Variants in TOPAZ1 observed in about 807,000 individuals in gnomAD.
The protein encoded by TOPAZ1 is protein TOPAZ1.
Under a neutral mutation model 172.2 loss-of-function variants are expected in TOPAZ1, and 66 were observed. That is an observed-to-expected ratio of 0.38 (90% confidence interval 0.31 to 0.47). The LOEUF (loss-of-function observed/expected upper bound fraction) is 0.47, where lower values mean the gene tolerates loss of function less well. TOPAZ1 is among the 20% of genes least tolerant of loss of function. The pLI is 0.99. For synonymous variants in TOPAZ1, 681 were observed against 683.9 expected (o/e 1.00, Z 0.07); for missense variants, 1,822 against 1,972.4 (o/e 0.92, Z 1.44).
chr3:44,309,029 AG>A (rs1292815677), intron 15 of TOPAZ1, among the ~76,000 whole-genome samples: 1 of 151,996 alleles, frequency 6.6e-6, no homozygotes, highest in Non-Finnish European at 1.5e-5. Flanking sequence ...ACATTTTTAA[AG>A]AGTTATAAAT....
chr3:44,261,743 G>A (rs1239639597), intron 4 of TOPAZ1, among the ~76,000 whole-genome samples: 2 of 152,054 alleles, frequency 1.3e-5, no homozygotes, highest in Admixed American at 6.6e-5. Flanking sequence ...AATTACTCTG[G>A]GCAGTATGGC....
At chr3:44,281,562 A>G (rs1248977994) in intron 8 of TOPAZ1, among the ~76,000 whole-genome samples, 2 of 152,204 alleles carry the variant, frequency 1.3e-5, no homozygotes, top group African/African-American at 2.4e-5. Flanking sequence ...TGTTTATGAT[A>G]TAAGAAGAGA....
chr3:44,332,798 GTTTT>G (rs10708146), downstream of TOPAZ1, among the ~76,000 whole-genome samples: 6 of 148,420 alleles, frequency 4.0e-5, no homozygotes, highest in African/African-American at 1.2e-4. Flanking sequence ...GGGACTGAAA[GTTTT>G]TTTTTTTTTT....
intron 4 of TOPAZ1, among the ~76,000 whole-genome samples, chr3:44,261,911 G>A (rs936869628): frequency 7.2e-5 from 11 of 151,998 alleles, no homozygotes; most frequent in African/African-American, 2.7e-4. Context: ...TATTCTTTTA[G>A]TGGATGCCTG....
At chr3:44,262,388 T>C (rs1291361445) in intron 4 of TOPAZ1, 31 bp from the exon 5 acceptor site, 1 of 1,251,686 alleles carries the variant, frequency 8.0e-7, no homozygotes, top group Non-Finnish European at 1.1e-6. Context: ...AGACCTTCAC[T>C]TGTACTTATT....
chr3:44,332,379 G>A (rs1575222845), downstream of TOPAZ1, among the ~76,000 whole-genome samples: 1 of 152,126 alleles, frequency 6.6e-6, no homozygotes, highest in Admixed American at 6.6e-5. Flanking sequence ...AATAGGTTTA[G>A]TGTGTACTCA....
chr3:44,251,774 C>G (rs1360150126), intron 2 of TOPAZ1, among the ~76,000 whole-genome samples: 1 of 152,158 alleles, frequency 6.6e-6, no homozygotes. Flanking sequence ...CTCTCCTCTC[C>G]TTTTTACTTA....
chr3:44,334,869 T>C (rs1700706454), downstream of TOPAZ1, among the ~76,000 whole-genome samples: 1 of 152,300 alleles, frequency 6.6e-6, no homozygotes, highest in East Asian at 1.9e-4. Flanking sequence ...CCTTCTGATA[T>C]CAACAACCAT....
intron 9 of TOPAZ1, 36 bp downstream of exon 9, chr3:44,282,067 A>T: frequency 7.5e-7 from 1 of 1,325,700 alleles, no homozygotes; most frequent in Non-Finnish European, 1.0e-6. Context: ...TGAAGCTATT[A>T]ATGTGTTGTT....
chr3:44,290,058 A>G (rs955367714), intron 11 of TOPAZ1, among the ~76,000 whole-genome samples: 5 of 152,176 alleles, frequency 3.3e-5, no homozygotes, highest in Non-Finnish European at 7.3e-5. Flanking sequence ...CCTAGTCATT[A>G]TACCTTTGAA....
chr3:44,309,103 A>C (rs1378805469), intron 15 of TOPAZ1, among the ~76,000 whole-genome samples: 1 of 152,254 alleles, frequency 6.6e-6, no homozygotes, highest in Non-Finnish European at 1.5e-5. Flanking sequence ...AGCCTAAGCT[A>C]CTTACTATCT....
At chr3:44,279,830 G>A (rs1022205948) in intron 8 of TOPAZ1, among the ~76,000 whole-genome samples, 1 of 152,084 alleles carries the variant, frequency 6.6e-6, no homozygotes, top group African/African-American at 2.4e-5. Flanking sequence ...ATTGATGTGT[G>A]AGGGCTTATT....
chr3:44,300,460 A>G (rs1045184728), intron 12 of TOPAZ1, among the ~76,000 whole-genome samples: 2 of 152,194 alleles, frequency 1.3e-5, no homozygotes, highest in African/African-American at 2.4e-5. Flanking sequence ...GGCTAAAGAC[A>G]TAAACATGTT....
chr3:44,306,631 A>G (rs7630980), intron 15 of TOPAZ1, among the ~76,000 whole-genome samples: 72,245 of 152,054 alleles, frequency 0.48, 18,079 homozygotes, highest in East Asian at 0.8. Context: ...ATGCAGTGGC[A>G]TGTACCTATA....
rs866510884 is a variant in TOPAZ1 at position 44,245,087 on chromosome 3, G to A, written c.2581G>A (p.Val861Ile). 21 of 1,551,752 alleles carry A rather than the reference G, an allele frequency of 1.4e-5. 1 individual carries two copies. The highest frequency in any genetic ancestry group is 5.5e-5 in the African/African-American group (4 of 73,128). Residue 861 changes from valine to isoleucine, a missense_variant, in exon 2 of 20, where the codon GTC (valine) becomes ATC (isoleucine). Physicochemically the swap from Val to Ile is conservative, Grantham distance 29. Coordinates refer to ENST00000309765, the MANE Select transcript of TOPAZ1 (RefSeq NM_001145030.2). The stretch of plus-strand genomic sequence containing the variant: ...TATTCTTAAAGCATATGAAGATGAC[G>A]TCCTCTTAATTGATGTAATTCAAGA... ...PDILKAYEDD[V>I]LLIDVIQDDP...
chr3:44,245,451 T>TA (rs778971755), intron 2 of TOPAZ1, among the ~76,000 whole-genome samples, 180 bp downstream of exon 2: 5 of 151,636 alleles, frequency 3.3e-5, no homozygotes, highest in South Asian at 2.1e-4. Flanking sequence ...TGCTAAAACT[T>TA]AGAGTCAAAA....
chr3:44,245,400 T>A (rs1699552133), intron 2 of TOPAZ1, 129 bp downstream of exon 2: 2 of 907,136 alleles, frequency 2.2e-6, no homozygotes, highest in Admixed American at 6.6e-5. Flanking sequence ...TTATTAAATG[T>A]TATATACCAT....
At chr3:44,269,143 C>A in intron 6 of TOPAZ1, 73 bp from the exon 7 acceptor site, 1 of 823,154 alleles carries the variant, frequency 1.2e-6, no homozygotes, top group South Asian at 1.5e-5. Flanking sequence ...TAGTAGTGAT[C>A]ATCTATTTCA....
Position 44,243,463 on chromosome 3 carries a change from T to C in TOPAZ1, c.957T>C (p.Tyr319=). 6.4e-7 allele frequency: 1 copy of C among 1,551,618 alleles called. No individual in the cohort carries two copies. Among genetic ancestry groups the C allele is most frequent in the Non-Finnish European group, 8.7e-7 (1 of 1,146,956 alleles). The stretch of plus-strand genomic sequence containing the variant: ...GCCTTCAACATGAAAAAAATAAATA[T>C]TCAATAGAGGAGAGCAGTGTTGGGC... ...LSCLQHEKNK[Y]SIEESSVGRK... Residue 319 remains tyrosine (Y), a synonymous_variant, in exon 2 of 20, where the codon TAT becomes TAC. Transcript: ENST00000309765.
Sources: gnomAD v4.1 joint callset for allele counts (sites outside exome capture counted in the v4.1 genomes callset) on GRCh38, gnomAD v4.1.1 for gene constraint, MANE v1.5 for transcripts, NCBI Gene and HGNC (gene_info 2026-07-23, HGNC 2026-07-21) for gene names.